Variants in CLDN10 observed in about 807,000 individuals in gnomAD.
CLDN10 encodes the protein claudin-10.
Under a neutral mutation model 22.9 loss-of-function variants are expected in CLDN10, and 15 were observed. The ratio of observed to expected loss-of-function variants is 0.65; its 90% CI spans 0.44 to 1.01. CLDN10 has a LOEUF of 1.01. Ranked by LOEUF, CLDN10 falls within the 50% of genes least tolerant of loss-of-function variation. CLDN10 has a pLI of 0.00. For synonymous variants in CLDN10, 114 were observed against 111.4 expected (o/e 1.02, Z -0.15); for missense variants, 247 against 287.8 (o/e 0.86, Z 1.03).
intron 1 of CLDN10, among the ~76,000 whole-genome samples, chr13:95,452,591 G>A (rs1398348799): frequency 6.6e-6 from 1 of 152,208 alleles, no homozygotes; most frequent in Non-Finnish European, 1.5e-5. Flanking sequence ...ACTGGGTCGT[G>A]TGGACATTTC....
chr13:95,494,074 A>T (rs1480592481), intron 1 of CLDN10, among the ~76,000 whole-genome samples: 4 of 152,228 alleles, frequency 2.6e-5, no homozygotes, highest in South Asian at 2.1e-4. Context: ...ACAATTAAAA[A>T]ATAATAGGAA....
intron 1 of CLDN10, among the ~76,000 whole-genome samples, chr13:95,517,256 T>A (rs2043178774): frequency 6.6e-6 from 1 of 152,080 alleles, no homozygotes; most frequent in Admixed American, 6.6e-5. Context: ...GGCCATTTAC[T>A]GAGCCCTTGC....
At chr13:95,568,491 AC>A (rs1386313001) in intron 3 of CLDN10, among the ~76,000 whole-genome samples, 1 of 151,872 alleles carries the variant, frequency 6.6e-6, no homozygotes, top group Non-Finnish European at 1.5e-5. Flanking sequence ...TTCAGCTCTT[AC>A]CCCCATTGCT....
At chr13:95,439,741 T>C (rs896836853) in intron 1 of CLDN10, among the ~76,000 whole-genome samples, 1 of 152,050 alleles carries the variant, frequency 6.6e-6, no homozygotes, top group African/African-American at 2.4e-5. Context: ...ATTTTGGGGG[T>C]TATGATTTCC....
At chr13:95,459,810 G>T (rs1433709353) in intron 1 of CLDN10, among the ~76,000 whole-genome samples, 1 of 152,222 alleles carries the variant, frequency 6.6e-6, no homozygotes, top group African/African-American at 2.4e-5. Context: ...CCCAGAAAAT[G>T]GGGTTTTCTT....
intron 1 of CLDN10, among the ~76,000 whole-genome samples, chr13:95,477,850 A>G (rs1050977169): frequency 2.0e-5 from 3 of 152,186 alleles, no homozygotes; most frequent in African/African-American, 7.2e-5. Context: ...GCCCGTGGAC[A>G]GATGGAGGAG....
rs566363245 is a variant in CLDN10 at position 95,570,963 on chromosome 13, C to T, written c.465-6268C>T. The stretch of plus-strand genomic sequence containing the variant: ...TATGTTTCCTGAATTTACCTTTGGA[C>T]AATTTGTAACATATTATGTTGGTGC... On this transcript the variant is annotated intron_variant, in intron 3 of 4. Coordinates refer to ENST00000299339, the MANE Select transcript of CLDN10 (RefSeq NM_006984.5). Among the ~76,000 whole-genome samples the T allele has an allele frequency of 1.1e-4, 16 of 149,396 alleles. No homozygotes were observed. In the South Asian group the frequency reaches 3.4e-3, roughly 31 times the overall value.
intron 1 of CLDN10, among the ~76,000 whole-genome samples, chr13:95,434,611 A>AAT (rs1422570894): frequency 6.6e-6 from 1 of 150,622 alleles, no homozygotes; most frequent in Non-Finnish European, 1.5e-5. Context: ...TATCTATATG[A>AAT]ATATATATAC....
At chr13:95,530,418 T>C (rs1029490767) in intron 1 of CLDN10, among the ~76,000 whole-genome samples, 1 of 152,188 alleles carries the variant, frequency 6.6e-6, no homozygotes, top group Non-Finnish European at 1.5e-5. Context: ...AAACAGGCTA[T>C]TGAATTACTG....
intron 1 of CLDN10, among the ~76,000 whole-genome samples, chr13:95,476,871 C>T (rs1044750811): frequency 7.9e-5 from 12 of 152,116 alleles, no homozygotes; most frequent in African/African-American, 2.9e-4. Flanking sequence ...AATTTTTCTC[C>T]CTACATTTGT....
intron 1 of CLDN10, among the ~76,000 whole-genome samples, chr13:95,473,972 C>T (rs931947348): frequency 5.3e-5 from 8 of 152,146 alleles, no homozygotes; most frequent in Non-Finnish European, 1.0e-4. Flanking sequence ...CACCAGGGAC[C>T]GGTTTCGTGG....
intron 1 of CLDN10, among the ~76,000 whole-genome samples, chr13:95,523,082 A>G (rs965382491): frequency 1.3e-5 from 2 of 151,924 alleles, no homozygotes; most frequent in African/African-American, 4.8e-5. Flanking sequence ...TAAGTTTACT[A>G]TGTTTTCACC....
chr13:95,508,620 C>A lies in CLDN10; in HGVS notation c.215-51512C>A, dbSNP rs532590774. Among the ~76,000 whole-genome samples the A allele has an allele frequency of 1.3e-3, 203 of 152,226 alleles. 2 individuals carry two copies. Among genetic ancestry groups the A allele is most frequent in the Middle Eastern group, 3.2e-3 (1 of 316 alleles). On this transcript the variant is annotated intron_variant, in intron 1 of 4. Transcript: ENST00000376873. Reference sequence around the variant, plus strand: ...CAACCGCCCAACTGTATGACCAGAACTGGGATTGAAATGGATACAGTCACC... The same window carrying A: ...CAACCGCCCAACTGTATGACCAGAAATGGGATTGAAATGGATACAGTCACC...
chr13:95,535,463 G>T (rs571623654), intron 1 of CLDN10, among the ~76,000 whole-genome samples: 5 of 150,598 alleles, frequency 3.3e-5, no homozygotes, highest in Non-Finnish European at 7.4e-5. Flanking sequence ...AGGGAAGAGC[G>T]CCATCCAAGA....
chr13:95,570,858 G>GTGTGTATATATATATATA (rs60359070), intron 3 of CLDN10, among the ~76,000 whole-genome samples: 153 of 119,696 alleles, frequency 1.3e-3, no homozygotes, highest in Admixed American at 2.6e-3. Flanking sequence ...ATATACGTGT[G>GTGTGTATATATATATATA]TATATATATA....
At chr13:95,468,737 T>C (rs2042602510) in intron 1 of CLDN10, among the ~76,000 whole-genome samples, 1 of 151,104 alleles carries the variant, frequency 6.6e-6, no homozygotes, top group South Asian at 2.1e-4. Context: ...AAAAAAAAAA[T>C]GAAGAAAGAA....
chr13:95,440,579 G>C (rs1436078308), intron 1 of CLDN10, among the ~76,000 whole-genome samples: 1 of 152,206 alleles, frequency 6.6e-6, no homozygotes, highest in Non-Finnish European at 1.5e-5. Flanking sequence ...GGGAGGCTGA[G>C]GTGAGAGGAT....
intron 1 of CLDN10, among the ~76,000 whole-genome samples, chr13:95,557,435 T>C (rs4077046): frequency 0.31 from 46,359 of 151,956 alleles, 7,363 homozygotes; most frequent in Middle Eastern, 0.33. Context: ...CTGGTAGCCT[T>C]AGAACACTGA....
intron 1 of CLDN10, among the ~76,000 whole-genome samples, chr13:95,488,950 CTTTTTTTTTTTT>C (rs58919737): frequency 1.8e-5 from 2 of 110,750 alleles, no homozygotes; most frequent in African/African-American, 7.3e-5. Context: ...ACTTTTTGTT[CTTTTTTTTTTTT>C]TTTTTTTTGA....
Sources: gnomAD v4.1 joint callset for allele counts (sites outside exome capture counted in the v4.1 genomes callset) on GRCh38, gnomAD v4.1.1 for gene constraint, MANE v1.5 for transcripts, NCBI Gene and HGNC (gene_info 2026-07-23, HGNC 2026-07-21) for gene names.